The following KRT39 variants were observed in gnomAD, a reference collection of about 807,000 sequenced individuals.
KRT39 encodes the protein keratin 39, also known as keratin, type I cytoskeletal 39.
A neutral mutation model predicts 54.8 loss-of-function variants in KRT39; 47 were observed. The ratio of observed to expected loss-of-function variants is 0.86; its 90% CI spans 0.68 to 1.09. KRT39 has a LOEUF of 1.09. Ranked by LOEUF, KRT39 falls within the 50% of genes least tolerant of loss-of-function variation. KRT39 has a pLI of 0.00. For synonymous variants in KRT39, 207 were observed against 227.9 expected (o/e 0.91, Z 0.83); for missense variants, 580 against 598.5 (o/e 0.97, Z 0.32).
chr17:40,960,186 C>A, intron 6 of KRT39, 95 bp downstream of exon 6: 4 of 1,092,410 alleles, frequency 3.7e-6, no homozygotes, highest in South Asian at 2.8e-5. Flanking sequence ...GCAAGAAGGT[C>A]AAACAAAGCA....
At chr17:40,966,323 G>T in intron 1 of KRT39, 66 bp downstream of exon 1, 1 of 1,281,928 alleles carries the variant, frequency 7.8e-7, no homozygotes, top group Non-Finnish European at 1.1e-6. Context: ...TTAAAGTTTA[G>T]CAAATAACTG....
intron 1 of KRT39, among the ~76,000 whole-genome samples, chr17:40,965,767 TC>T (rs1172516088): frequency 6.6e-6 from 1 of 152,234 alleles, no homozygotes; most frequent in Non-Finnish European, 1.5e-5. Context: ...GATCTCTGTT[TC>T]CCTATTTTTA....
intron 3 of KRT39, 87 bp from the exon 4 acceptor site, chr17:40,962,650 T>G: frequency 8.7e-7 from 1 of 1,153,228 alleles, no homozygotes; most frequent in Non-Finnish European, 1.3e-6. Context: ...ACGATTTAGC[T>G]TAATTGTGTC....
chr17:40,959,890 G>T (rs899314787), intron 6 of KRT39, among the ~76,000 whole-genome samples: 2 of 152,200 alleles, frequency 1.3e-5, no homozygotes, highest in African/African-American at 4.8e-5. Flanking sequence ...AAGGAGCCTG[G>T]GTTGTTTTGT....
Position 40,966,409 on chromosome 17 carries a change from T to C in KRT39, c.448A>G (p.Ile150Val). ...CPDYLSYYTT[I>V]EELQQKILCT... ...CTTACCTTCTGCTGGAGCTCCTCAATGGTAGTGTAGTAAGACAGGTAATCA... is the reference window on the plus strand; with the variant it reads ...CTTACCTTCTGCTGGAGCTCCTCAACGGTAGTGTAGTAAGACAGGTAATCA... Residue 150 changes from isoleucine to valine, a missense_variant, in exon 1 of 7, where the codon ATT (isoleucine) becomes GTT (valine). Ile to Val is a conservative substitution (Grantham distance 29, BLOSUM62 3). Coordinates refer to ENST00000355612, the MANE Select transcript of KRT39 (RefSeq NM_213656.4). 1.2e-6 allele frequency: 2 copies of C among 1,612,572 alleles called. No individual in the cohort carries two copies. The highest frequency in any genetic ancestry group is 4.5e-5 in the East Asian group (2 of 44,862).
At chr17:40,964,380 G>T in intron 2 of KRT39, 66 bp downstream of exon 2, 1 of 1,373,318 alleles carries the variant, frequency 7.3e-7, no homozygotes, top group Non-Finnish European at 1.0e-6. Flanking sequence ...GGACAATTTT[G>T]TTGAGGGCAT....
Position 40,960,347 on chromosome 17 carries a change from T to A in KRT39, c.1151A>T (p.Asp384Val), listed in dbSNP as rs370291855. Residue 384 changes from aspartate to valine, a missense_variant, in exon 6 of 7, where the codon GAC (aspartate) becomes GTC (valine). Transcript: ENST00000355612. The stretch of plus-strand genomic sequence containing the variant: ...CTCACATTCCAGCCGGGACTTGACG[T>A]CCAGCAGGATCTCGTATTCTTGGTT... The part of the protein sequence containing the change: ...RQNQEYEILL[D>V]VKSRLECEIT... 4 of 1,613,970 alleles carry A rather than the reference T, an allele frequency of 2.5e-6. No homozygotes were observed. In the East Asian group the frequency reaches 6.7e-5, roughly 27 times the overall value.
rs1910991275 is a variant in KRT39, at chr17:40,958,466, T to TAGCA, written c.*131_*134dup. 1 of 867,618 alleles carries TAGCA rather than the reference T, an allele frequency of 1.2e-6. No homozygotes were observed. Among genetic ancestry groups the TAGCA allele is most frequent in the East Asian group, 2.6e-5 (1 of 38,674 alleles). 53.7% of individuals were successfully genotyped at this position (867,618 alleles called of 1,614,324 possible). ...GGAGCAGAATAAAAGATATTCTACCTAGCAATGGGGACCCGCTGTAGTAGT... is the reference window on the plus strand; with the variant it reads ...GGAGCAGAATAAAAGATATTCTACCTAGCAAGCAATGGGGACCCGCTGTAGTAGT... On this transcript the variant is annotated 3_prime_UTR_variant, in exon 7 of 7. Coordinates refer to ENST00000355612, the MANE Select transcript of KRT39 (RefSeq NM_213656.4).
At chr17:40,960,531 A>G (rs1270871503) in intron 5 of KRT39, 30 bp from the exon 6 acceptor site, 6 of 1,562,522 alleles carry the variant, frequency 3.8e-6, no homozygotes, top group Non-Finnish European at 5.3e-6. Flanking sequence ...TAGGATTTAT[A>G]ATGACTCCTT....
rs756681482 is a variant in KRT39, at chr17:40,958,756, G to C, written c.1321C>G (p.Pro441Ala). The C allele has an allele frequency of 3.1e-6, 5 of 1,613,962 alleles. No individual in the cohort carries two copies. The African/African-American group carries it at 5.3e-5, about 17-fold the overall frequency. ...STAPACTSSS[P>A]CSLKEHCSAC... ...CTGCAGTGCTCCTTTAAGCTGCAGG[G>C]GGATGAGGATGTGCAAGCTGGGGCC... The change falls in exon 7 of 7, where the codon CCC becomes GCC. Residue 441 changes from proline to alanine, a missense_variant. By Grantham distance (27) the Pro-to-Ala change is conservative (BLOSUM62 -1). Coordinates refer to ENST00000355612, the MANE Select transcript of KRT39 (RefSeq NM_213656.4).
In KRT39 at chr17:40,959,506, A is replaced by G. The variant is rs138086132; in HGVS notation, c.1218-647T>C. Among the ~76,000 whole-genome samples, 1,303 of 152,304 alleles carry G rather than the reference A, an allele frequency of 8.6e-3. 22 individuals carry two copies. The highest frequency in any genetic ancestry group is 0.029 in the African/African-American group (1,218 of 41,562). On this transcript the variant is annotated intron_variant, in intron 6 of 6. Coordinates refer to ENST00000355612, the MANE Select transcript of KRT39 (RefSeq NM_213656.4). The stretch of plus-strand genomic sequence containing the variant: ...TTTTTATAAACATAATCTTTCTTTG[A>G]TGATTCGAGGTATTTTGGTATATGA...
chr17:40,964,581 T>C, intron 1 of KRT39, 53 bp from the exon 2 acceptor site: 1 of 1,276,752 alleles, frequency 7.8e-7, no homozygotes, highest in Non-Finnish European at 1.1e-6. Context: ...GATTTCCTTC[T>C]TTAAGAACCA....
At position 40,962,249 on chromosome 17, in the gene KRT39, T is replaced by A. The variant is rs767787690; in HGVS notation, c.909A>T (p.Gln303His). 28 of 1,614,124 alleles carry A rather than the reference T, an allele frequency of 1.7e-5. No individual in the cohort carries two copies. The highest frequency in any genetic ancestry group is 2.3e-5 in the Non-Finnish European group (27 of 1,180,040). ...ELNQQVVTSSQQQQCCQKEII... is the reference protein window; with the variant it reads ...ELNQQVVTSSHQQQCCQKEII... ...TCTCCTTTTGGCAGCATTGCTGCTG[T>A]TGAGAGCTGGTCACCACTTGTTGAT... The change falls in exon 5 of 7, where the codon CAA becomes CAT. Residue 303 changes from glutamine to histidine, a missense_variant. Physicochemically the swap from Gln to His is conservative, Grantham distance 24. Transcript: ENST00000355612.
chr17:40,962,715 TATAAA>T (rs1202040173), intron 3 of KRT39, 152 bp from the exon 4 acceptor site: 3 of 661,020 alleles, frequency 4.5e-6, no homozygotes, highest in Non-Finnish European at 7.7e-6. Flanking sequence ...ATTGAGATGC[TATAAA>T]ATGATTTAAG....
chr17:40,964,349 C>T, intron 2 of KRT39, 97 bp downstream of exon 2: 1 of 947,274 alleles, frequency 1.1e-6, no homozygotes, highest in Non-Finnish European at 1.7e-6. Context: ...TCATCTGGGG[C>T]AAGAGGGTTA....
intron 5 of KRT39, among the ~76,000 whole-genome samples, chr17:40,960,997 G>GGT (rs992984310): frequency 5.9e-5 from 9 of 152,188 alleles, no homozygotes; most frequent in African/African-American, 2.2e-4. Flanking sequence ...TGGGTGTTCT[G>GGT]GTGGGCACCT....
In KRT39 at chr17:40,965,172, G is replaced by A. The variant is rs12103852; in HGVS notation, c.469-644C>T. On this transcript the variant is annotated intron_variant, in intron 1 of 6. Transcript: ENST00000355612. The stretch of plus-strand genomic sequence containing the variant: ...TGAGCCGAGATCGCGCCACTGCACT[G>A]CAGCCTGGGAGACAGAGCGAGACTC... Among the ~76,000 whole-genome samples, 831 of 150,776 alleles carry A rather than the reference G, an allele frequency of 5.5e-3. 3 individuals carry two copies. Among genetic ancestry groups the A allele is most frequent in the African/African-American group, 0.02 (804 of 41,008 alleles).
At position 40,966,467 on chromosome 17, in the gene KRT39, T is replaced by G. The variant is rs750756326; in HGVS notation, c.390A>C (p.Glu130Asp). 9 of 1,614,208 alleles carry G rather than the reference T, an allele frequency of 5.6e-6. No homozygotes were observed. Among genetic ancestry groups the G allele is most frequent in the Non-Finnish European group, 7.6e-6 (9 of 1,180,016 alleles). ...ENAELESKIQ[E>D]ESNKELPVLC... ...GAACAGGGAGCTCTTTGTTACTTTC[T>G]TCCTGGATTTTAGATTCCAGTTCAG... Residue 130 changes from glutamate to aspartate, a missense_variant, in exon 1 of 7, where the codon GAA becomes GAC. Physicochemically the swap from Glu to Asp is conservative, Grantham distance 45. Transcript: ENST00000355612.
rs146795483 is a variant in KRT39, at chr17:40,961,698, T to A, written c.996+464A>T. 8.5e-3 allele frequency among the ~76,000 whole-genome samples: 1,302 copies of A among 152,314 alleles called. 20 individuals are homozygous for A. The highest frequency in any genetic ancestry group is 0.029 in the African/African-American group (1,218 of 41,546). The stretch of plus-strand genomic sequence containing the variant: ...GAAAATCACTTTAGCTCTTGGAGCC[T>A]CATCTGTAACATTCGTTAATAATTA... On this transcript the variant is annotated intron_variant, in intron 5 of 6. Coordinates refer to ENST00000355612, the MANE Select transcript of KRT39 (RefSeq NM_213656.4).
Sources: allele counts gnomAD v4.1 joint callset (sites outside exome capture counted in the v4.1 genomes callset), GRCh38; gene constraint gnomAD v4.1.1; transcripts MANE v1.5; gene names NCBI Gene and HGNC (gene_info 2026-07-23, HGNC 2026-07-21).